ACSS3: variants seen among roughly 807,000 people sequenced by gnomAD.
ACSS3 encodes acyl-CoA synthetase short chain family member 3.
In ACSS3, 64 loss-of-function variants were observed where a neutral mutation model predicts 84.2. The observed-to-expected ratio is 0.76, with a 90% CI of 0.62 to 0.94. ACSS3 has a LOEUF of 0.94. ACSS3 is among the 40% of genes least tolerant of loss of function. The pLI is 0.00. For missense variants in ACSS3, 815 were observed against 867.6 expected, an observed-to-expected ratio of 0.94 and a Z score of 0.76; for synonymous variants, 317 against 310.1, an observed-to-expected ratio of 1.02 and a Z score of -0.23.
chr12:81,101,326 A>T (rs935587171), intron 1 of ACSS3, among the ~76,000 whole-genome samples: 2 of 152,308 alleles, frequency 1.3e-5, no homozygotes, highest in East Asian at 1.9e-4. Flanking sequence ...ATTTAAAAAA[A>T]TTTAAATCAC....
At chr12:81,095,609 C>A (rs2121367122) in intron 1 of ACSS3, among the ~76,000 whole-genome samples, 1 of 152,264 alleles carries the variant, frequency 6.6e-6, no homozygotes, top group South Asian at 2.1e-4. Context: ...TCATTCATGT[C>A]TTTTCACTGA....
At chr12:81,193,790 G>GT (rs879755688) in intron 8 of ACSS3, among the ~76,000 whole-genome samples, 44 of 151,056 alleles carry the variant, frequency 2.9e-4, no homozygotes, top group African/African-American at 4.6e-4. Flanking sequence ...TATATTGTAA[G>GT]TTTTTTTTTA....
chr12:81,117,675 T>C (rs1456831957), intron 2 of ACSS3, among the ~76,000 whole-genome samples: 2 of 152,172 alleles, frequency 1.3e-5, no homozygotes, highest in East Asian at 3.9e-4. Context: ...ATTCCAAAGA[T>C]GATGGGAAGC....
chr12:81,160,319 G>A (rs1362663031), intron 7 of ACSS3, among the ~76,000 whole-genome samples: 1 of 152,142 alleles, frequency 6.6e-6, no homozygotes, highest in African/African-American at 2.4e-5. Flanking sequence ...TCTTCAGTAT[G>A]TTTACTAGAT....
intron 13 of ACSS3, among the ~76,000 whole-genome samples, chr12:81,243,333 C>T (rs2033874419): frequency 6.6e-6 from 1 of 152,176 alleles, no homozygotes. Flanking sequence ...AGGAGAACTA[C>T]AAACCACTGC....
chr12:81,167,910 A>G (rs1342003611), intron 7 of ACSS3, among the ~76,000 whole-genome samples: 1 of 152,222 alleles, frequency 6.6e-6, no homozygotes, highest in Admixed American at 6.5e-5. Flanking sequence ...GAAATGACTC[A>G]AGCCTGAGGA....
At chr12:81,122,293 C>T (rs555458316) in intron 2 of ACSS3, among the ~76,000 whole-genome samples, 1 of 151,980 alleles carries the variant, frequency 6.6e-6, no homozygotes, top group African/African-American at 2.4e-5. Context: ...TCACGGAGAA[C>T]TCATGGGCCC....
chr12:81,180,668 A>G (rs1163137377), intron 8 of ACSS3, among the ~76,000 whole-genome samples: 2 of 152,064 alleles, frequency 1.3e-5, no homozygotes, highest in East Asian at 1.9e-4. Flanking sequence ...GGTGCCTGCC[A>G]CCACGCCTGG....
At chr12:81,204,524 A>G (rs1463299716) in intron 9 of ACSS3, among the ~76,000 whole-genome samples, 3 of 152,116 alleles carry the variant, frequency 2.0e-5, no homozygotes, top group South Asian at 2.1e-4. Flanking sequence ...TGGAGTCCCA[A>G]TGTTTAATGT....
chr12:81,104,768 C>T (rs1474118201), intron 1 of ACSS3: 1 of 152,180 alleles, frequency 6.6e-6, no homozygotes, highest in South Asian at 2.1e-4. Context: ...GGGACTTATA[C>T]CTGTGCCTGG....
chr12:81,139,072 T>A, intron 3 of ACSS3, 59 bp from the exon 4 acceptor site: 1 of 1,536,492 alleles, frequency 6.5e-7, no homozygotes, highest in Non-Finnish European at 8.9e-7. Context: ...ACTAAAATAT[T>A]GTGATTACCT....
intron 2 of ACSS3, among the ~76,000 whole-genome samples, chr12:81,116,770 A>G (rs537665636): frequency 6.6e-6 from 1 of 152,310 alleles, no homozygotes; most frequent in East Asian, 1.9e-4. Flanking sequence ...GTGAATAAAC[A>G]TTTAATAATT....
chr12:81,225,921 C>A (rs1333791205), intron 11 of ACSS3, among the ~76,000 whole-genome samples: 5 of 151,880 alleles, frequency 3.3e-5, no homozygotes, highest in Admixed American at 1.3e-4. Flanking sequence ...CTGTTCAAAT[C>A]TCCATCCTCT....
chr12:81,078,068 G>T, upstream of ACSS3: 3 of 1,439,192 alleles, frequency 2.1e-6, no homozygotes, highest in Non-Finnish European at 2.7e-6. Flanking sequence ...GCCCCAGGAA[G>T]TTGCAAGAGT....
In ACSS3 at chr12:81,078,273, C is replaced by T; in HGVS notation, c.153C>T (p.Cys51=). ...GGGGCGGTCTCGGGGGCCGGGGATG[C>T]AGGGCACTGTCCTCCGGCAGTGGCA... ...GPRGGLGGRG[C]RALSSGSGSE... is the part of the protein sequence containing the mutation. The change falls in exon 1 of 16, where the codon TGC becomes TGT. Residue 51 remains cysteine, a synonymous_variant. Coordinates refer to ENST00000548058, the MANE Select transcript of ACSS3 (RefSeq NM_024560.4). 1 of 1,611,000 alleles carries T rather than the reference C, an allele frequency of 6.2e-7. No homozygotes were observed. The highest frequency in any genetic ancestry group is 8.5e-7 in the Non-Finnish European group (1 of 1,179,842).
chr12:81,189,423 T>C (rs886133423), intron 8 of ACSS3, among the ~76,000 whole-genome samples: 11 of 152,180 alleles, frequency 7.2e-5, no homozygotes, highest in African/African-American at 2.7e-4. Context: ...TATCTCATTA[T>C]CATTTAATTT....
At chr12:81,094,211 T>C (rs1321734029) in intron 1 of ACSS3, among the ~76,000 whole-genome samples, 1 of 151,316 alleles carries the variant, frequency 6.6e-6, no homozygotes, top group African/African-American at 2.4e-5. Context: ...TGTGTGTGTG[T>C]TTCTCTTTCC....
chr12:81,151,141 G>A (rs1033866630), intron 5 of ACSS3, among the ~76,000 whole-genome samples: 6 of 152,118 alleles, frequency 3.9e-5, no homozygotes, highest in Admixed American at 6.6e-5. Flanking sequence ...CATTTAGGTT[G>A]AATATGGTCC....
chr12:81,198,652 A>C (rs1349594263), intron 8 of ACSS3, among the ~76,000 whole-genome samples: 2 of 151,208 alleles, frequency 1.3e-5, no homozygotes, highest in Non-Finnish European at 2.9e-5. Flanking sequence ...GGGTCAACAC[A>C]ATTGTATTTT....
Sources: allele counts gnomAD v4.1 joint callset (sites outside exome capture counted in the v4.1 genomes callset), GRCh38; gene constraint gnomAD v4.1.1; transcripts MANE v1.5; gene names NCBI Gene and HGNC (gene_info 2026-07-23, HGNC 2026-07-21).